Variants in COL24A1 observed in about 807,000 individuals in gnomAD.
COL24A1 encodes collagen alpha-1(XXIV) chain.
Under a neutral mutation model 253.9 loss-of-function variants are expected in COL24A1, and 224 were observed. The ratio of observed to expected loss-of-function variants is 0.88; its 90% CI spans 0.79 to 0.99. The LOEUF is 0.99. Ranked by LOEUF, COL24A1 falls within the 50% of genes least tolerant of loss-of-function variation. The probability of loss-of-function intolerance (pLI) is 0.00; values close to 1 mark genes in which losing one functional copy is unlikely to be tolerated. For synonymous variants in COL24A1, 685 were observed against 673.7 expected (o/e 1.02, Z -0.26); for missense variants, 2,131 against 2,068.5 (o/e 1.03, Z -0.59).
chr1:85,995,592 G>A (rs1694712887), intron 19 of COL24A1, among the ~76,000 whole-genome samples: 1 of 152,188 alleles, frequency 6.6e-6, no homozygotes, highest in African/African-American at 2.4e-5. Context: ...AGGGAGGGGG[G>A]AAGGAGAGGC....
intron 47 of COL24A1, among the ~76,000 whole-genome samples, chr1:85,796,254 T>A (rs1281065169): frequency 6.6e-6 from 1 of 152,202 alleles, no homozygotes; most frequent in Non-Finnish European, 1.5e-5. Flanking sequence ...TCAACCTTAA[T>A]GAATACAGGT....
At chr1:86,014,972 T>C (rs184966832) in intron 19 of COL24A1, among the ~76,000 whole-genome samples, 93 of 152,282 alleles carry the variant, frequency 6.1e-4, no homozygotes, top group African/African-American at 2.2e-3. Context: ...GCATACAGGA[T>C]AAAGTCTGAA....
intron 24 of COL24A1, among the ~76,000 whole-genome samples, chr1:85,920,115 T>TTGA (rs1228512345): frequency 6.6e-6 from 1 of 152,198 alleles, no homozygotes; most frequent in Admixed American, 6.5e-5. Flanking sequence ...GAGTAAAATA[T>TTGA]ACTAAGGAGT....
intron 8 of COL24A1, among the ~76,000 whole-genome samples, chr1:86,060,316 G>A (rs1700990607): frequency 6.6e-6 from 1 of 152,068 alleles, no homozygotes; most frequent in Non-Finnish European, 1.5e-5. Context: ...AGTGTGTTGA[G>A]CTGATGACAA....
chr1:86,084,184 C>T (rs1702880303), intron 7 of COL24A1, among the ~76,000 whole-genome samples: 1 of 152,052 alleles, frequency 6.6e-6, no homozygotes. Flanking sequence ...AAAAAAGAAT[C>T]CCTAAGCAAG....
intron 53 of COL24A1, 36 bp downstream of exon 53, chr1:85,775,632 TAGTGTC>T: frequency 6.5e-7 from 1 of 1,532,682 alleles, no homozygotes; most frequent in Non-Finnish European, 9.0e-7. Flanking sequence ...GCTTATAGCC[TAGTGTC>T]AGGGTTACTA....
chr1:85,793,508 G>C (rs1333091616), intron 47 of COL24A1, among the ~76,000 whole-genome samples: 1 of 152,098 alleles, frequency 6.6e-6, no homozygotes, highest in Non-Finnish European at 1.5e-5. Flanking sequence ...GAGAGAGAGC[G>C]AGAGCGAGAG....
chr1:86,124,561 A>G (rs1196003870), intron 3 of COL24A1, among the ~76,000 whole-genome samples: 1 of 151,958 alleles, frequency 6.6e-6, no homozygotes, highest in Non-Finnish European at 1.5e-5. Flanking sequence ...TTGAATTTCA[A>G]CTGAACAAGA....
intron 23 of COL24A1, among the ~76,000 whole-genome samples, chr1:85,962,549 A>T (rs1691179999): frequency 6.6e-6 from 1 of 152,176 alleles, no homozygotes; most frequent in African/African-American, 2.4e-5. Context: ...AAATCCAAAC[A>T]TTAATGATTT....
chr1:85,964,882 G>T (rs1691408569), intron 23 of COL24A1, 127 bp downstream of exon 23: 1 of 733,856 alleles, frequency 1.4e-6, no homozygotes, highest in Non-Finnish European at 2.2e-6. Flanking sequence ...GTTGCTCTTT[G>T]TAACAGTTTT....
In COL24A1 at chr1:85,965,037, G is replaced by A. The variant is rs772661935; in HGVS notation, c.2489C>T (p.Ala830Val). 1 of 1,611,012 alleles carries A rather than the reference G, an allele frequency of 6.2e-7. No homozygotes were observed. Among genetic ancestry groups the A allele is most frequent in the Non-Finnish European group, 8.5e-7 (1 of 1,178,172 alleles). ...PRGKPGQKGY[A>V]GEPGPEGLKG... ...TAAGCCTTCTGGTCCTGGTTCACCT[G>A]CATACCCCTTTTGACCTGGTTTTCC... Residue 830 changes from alanine to valine, a missense_variant, in exon 23 of 60, where the codon GCA (alanine) becomes GTA (valine). Physicochemically the swap from Ala to Val is moderately conservative, Grantham distance 64. Transcript: ENST00000370571.
intron 47 of COL24A1, among the ~76,000 whole-genome samples, chr1:85,800,167 A>G (rs1671278594): frequency 6.6e-6 from 1 of 152,188 alleles, no homozygotes; most frequent in Non-Finnish European, 1.5e-5. Flanking sequence ...CAACCTCTCC[A>G]TATTTACTAG....
Position 85,889,611 on chromosome 1 carries a change from A to G in COL24A1, c.2925T>C (p.Gly975=). Residue 975 remains glycine, a splice_region_variant and synonymous_variant, in exon 32 of 60, where the codon GGT becomes GGC. Coordinates refer to ENST00000370571, the MANE Select transcript of COL24A1 (RefSeq NM_152890.7). Reference sequence around the variant, plus strand: ...CTGTACTTCCAGGCAATCCCTGTAAACCCTGGACAAATAAAGGCAATACTT... The same window carrying G: ...CTGTACTTCCAGGCAATCCCTGTAAGCCCTGGACAAATAAAGGCAATACTT... ...PGERGFQGKP[G]LQGLPGSTGD... is the part of the protein sequence containing the mutation. The G allele has an allele frequency of 6.2e-7, 1 of 1,613,056 alleles. No individual in the cohort carries two copies. Among genetic ancestry groups the G allele is most frequent in the Non-Finnish European group, 8.5e-7 (1 of 1,179,232 alleles).
At chr1:85,855,863 A>G (rs1678380763) in intron 37 of COL24A1, among the ~76,000 whole-genome samples, 2 of 152,080 alleles carry the variant, frequency 1.3e-5, no homozygotes, top group Admixed American at 1.3e-4. Context: ...CACTGATTCA[A>G]TTTCAGAACT....
chr1:85,955,336 C>T (rs1390411342), intron 24 of COL24A1, among the ~76,000 whole-genome samples: 1 of 152,210 alleles, frequency 6.6e-6, no homozygotes, highest in Non-Finnish European at 1.5e-5. Flanking sequence ...TGCACCCATC[C>T]TCCAAGCCCA....
intron 39 of COL24A1, among the ~76,000 whole-genome samples, chr1:85,843,852 A>G (rs1676886341): frequency 1.3e-5 from 2 of 152,160 alleles, no homozygotes; most frequent in Admixed American, 1.3e-4. Flanking sequence ...CTCTAGAGCC[A>G]ACATAACAAG....
intron 5 of COL24A1, among the ~76,000 whole-genome samples, chr1:86,097,658 T>C (rs1704109021): frequency 7.7e-6 from 1 of 129,592 alleles, no homozygotes; most frequent in South Asian, 2.8e-4. Flanking sequence ...CTCCTCCTCC[T>C]CCCCTTCTCC....
rs747546429 is a variant in COL24A1, at chr1:85,896,052, T to C, written c.2846A>G (p.Asp949Gly). ...ACCATGAGGCCCTCTTTTTCCTTGA[T>C]CTCCTTTTTCACCCTAACAAAGTAT... ...GIQGAKGEKGDQGKRGPHGLI... is the reference protein window; with the variant it reads ...GIQGAKGEKGGQGKRGPHGLI... Residue 949 changes from aspartate to glycine, a missense_variant, in exon 30 of 60, where the codon GAT (aspartate) becomes GGT (glycine). Asp to Gly is a moderately conservative substitution (Grantham distance 94). Coordinates refer to ENST00000370571, the MANE Select transcript of COL24A1 (RefSeq NM_152890.7). 1.9e-5 allele frequency: 30 copies of C among 1,612,890 alleles called. No homozygotes were observed. Among genetic ancestry groups the C allele is most frequent in the Non-Finnish European group, 2.4e-5 (28 of 1,179,622 alleles).
intron 18 of COL24A1, among the ~76,000 whole-genome samples, chr1:86,020,509 G>A (rs1311122138): frequency 6.6e-6 from 1 of 152,048 alleles, no homozygotes; most frequent in East Asian, 1.9e-4. Flanking sequence ...CCATCAACAT[G>A]TTATAAATAT....
Sources: allele counts gnomAD v4.1 joint callset (sites outside exome capture counted in the v4.1 genomes callset), GRCh38; gene constraint gnomAD v4.1.1; transcripts MANE v1.5; gene names NCBI Gene and HGNC (gene_info 2026-07-23, HGNC 2026-07-21).